Variants in EFHD1 observed in about 807,000 individuals in gnomAD.
EFHD1 encodes the protein EF-hand domain family member D1.
A neutral mutation model predicts 17.2 loss-of-function variants in EFHD1; 10 were observed. That is an observed-to-expected ratio of 0.58 (90% CI 0.36 to 0.99). The LOEUF (loss-of-function observed/expected upper bound fraction) is 0.99. Ranked by LOEUF, EFHD1 falls within the 50% of genes least tolerant of loss-of-function variation. The pLI is 0.01. For missense variants in EFHD1, 310 were observed against 327.5 expected (o/e 0.95, Z 0.41); for synonymous variants, 153 against 142.0 (o/e 1.08, Z -0.55).
intron 1 of EFHD1, among the ~76,000 whole-genome samples, chr2:232,627,045 T>TCTCC (rs1574705594): frequency 1.1e-5 from 1 of 92,652 alleles, no homozygotes; most frequent in East Asian, 5.1e-4. Context: ...TCTATATATA[T>TCTCC]ATATATATAT....
At chr2:232,627,032 CTCTCTATATATA>C (rs1302365186) in intron 1 of EFHD1, among the ~76,000 whole-genome samples, 1 of 61,744 alleles carries the variant, frequency 1.6e-5, no homozygotes, top group East Asian at 1.1e-3. Flanking sequence ...CTCTCTCTCT[CTCTCTATATATA>C]TATATATATA....
chr2:232,619,670 C>T (rs1262723898), intron 1 of EFHD1, among the ~76,000 whole-genome samples: 1 of 152,020 alleles, frequency 6.6e-6, no homozygotes, highest in Non-Finnish European at 1.5e-5. Flanking sequence ...AATTTTGAAA[C>T]TAGAAAGAGG....
intron 1 of EFHD1, chr2:232,606,577 A>G: frequency 3.8e-6 from 1 of 261,624 alleles, no homozygotes; most frequent in Non-Finnish European, 7.7e-6. Flanking sequence ...CCTCACCTGC[A>G]CCGACCCTCA....
At chr2:232,648,814 A>T (rs116558397) in intron 1 of EFHD1, among the ~76,000 whole-genome samples, 140 of 152,248 alleles carry the variant, frequency 9.2e-4, no homozygotes, top group Non-Finnish European at 1.7e-3. Flanking sequence ...TTGTGGGGCC[A>T]GCGCCTGGCT....
chr2:232,667,185 A>G (rs1247967417), intron 2 of EFHD1, among the ~76,000 whole-genome samples: 1 of 152,108 alleles, frequency 6.6e-6, no homozygotes, highest in East Asian at 1.9e-4. Context: ...CAGCCCAAGC[A>G]GACGAATACA....
At chr2:232,661,582 T>TTC (rs1482595306) in intron 1 of EFHD1, 1 of 151,082 alleles carries the variant, frequency 6.6e-6, no homozygotes, top group Non-Finnish European at 1.5e-5. Context: ...TTTTTTTTTT[T>TTC]TTTTGAGACA....
chr2:232,642,092 A>G (rs1275386126), intron 1 of EFHD1, among the ~76,000 whole-genome samples: 1 of 152,142 alleles, frequency 6.6e-6, no homozygotes, highest in Admixed American at 6.5e-5. Context: ...CCCAATGAAA[A>G]AGACAAATGA....
chr2:232,670,500 A>T (rs1695046143), intron 2 of EFHD1, among the ~76,000 whole-genome samples: 1 of 152,146 alleles, frequency 6.6e-6, no homozygotes, highest in Admixed American at 6.6e-5. Context: ...AAGCCTGAAG[A>T]TTAATTAATT....
upstream of EFHD1, chr2:232,633,442 G>A (rs928575913): frequency 2.3e-5 from 28 of 1,201,222 alleles, no homozygotes; most frequent in Non-Finnish European, 2.9e-5. Context: ...GCAGGTCGGG[G>A]TCTCCGGGAC....
rs185549467 is a variant in EFHD1, at chr2:232,668,107, T to C, written c.451-4202T>C. Among the ~76,000 whole-genome samples, 344 of 152,302 alleles carry C rather than the reference T, an allele frequency of 2.3e-3. 2 individuals are homozygous for C. Among genetic ancestry groups the C allele is most frequent in the Middle Eastern group, 3.4e-3 (1 of 294 alleles). On this transcript the variant is annotated intron_variant, in intron 2 of 3. Coordinates refer to ENST00000264059, the MANE Select transcript of EFHD1 (RefSeq NM_025202.4). Reference sequence around the variant, plus strand: ...CCTCTCCTTCCCTCCCCCTCTTTCTTCACAGTCACAGCTAGGACAGTTTCC... The same window carrying C: ...CCTCTCCTTCCCTCCCCCTCTTTCTCCACAGTCACAGCTAGGACAGTTTCC...
chr2:232,680,246 G>T (rs1270528909), intron 3 of EFHD1, among the ~76,000 whole-genome samples: 1 of 151,750 alleles, frequency 6.6e-6, no homozygotes, highest in Non-Finnish European at 1.5e-5. Context: ...TTGTACTCCA[G>T]CCTGGACAAC....
At chr2:232,607,878 G>GAGTCCA (rs1693749290) in intron 1 of EFHD1, among the ~76,000 whole-genome samples, 1 of 151,608 alleles carries the variant, frequency 6.6e-6, no homozygotes, top group African/African-American at 2.4e-5. Flanking sequence ...AGGACAGCTT[G>GAGTCCA]AGTCCAGGAG....
intron 2 of EFHD1, among the ~76,000 whole-genome samples, 192 bp downstream of exon 2, chr2:232,663,141 G>C (rs888232140): frequency 1.3e-5 from 2 of 152,118 alleles, no homozygotes; most frequent in Non-Finnish European, 2.9e-5. Flanking sequence ...AAGCAGCATG[G>C]GTAGTAGTAT....
rs192968472 is a variant in EFHD1 at position 232,634,121 on chromosome 2, C to T, written c.302+115C>T. ...GGGAGGGGTCCCGGGGTGCAGGTAG[C>T]ATTTGGCCCAACGCAGCCAGATCTT... On this transcript the variant is annotated intron_variant, in intron 1 of 3. Transcript: ENST00000264059. The T allele has an allele frequency of 4.5e-4, 667 of 1,472,070 alleles. 1 individual carries two copies. The African/African-American group carries it at 8.4e-3, about 18-fold the overall frequency. The allele number at this position is 1,472,070 out of a possible 1,614,324, so 91.2% of individuals were successfully genotyped here. A position where few individuals can be genotyped will look rare whatever the true frequency, so the allele number is the denominator to read the frequency against.
chr2:232,630,892 C>T (rs1694189552), upstream of EFHD1, among the ~76,000 whole-genome samples: 1 of 151,442 alleles, frequency 6.6e-6, no homozygotes, highest in Non-Finnish European at 1.5e-5. Context: ...TTTTTTAACA[C>T]TAACTGTTGT....
intron 1 of EFHD1, chr2:232,661,586 T>TTTG (rs1694868198): frequency 7.3e-6 from 1 of 136,290 alleles, no homozygotes; most frequent in Non-Finnish European, 1.6e-5. Context: ...TTTTTTTTTT[T>TTTG]GAGACAGTCT....
At chr2:232,606,831 A>G (rs1401023875) in intron 1 of EFHD1, 1 of 151,600 alleles carries the variant, frequency 6.6e-6, no homozygotes, top group Non-Finnish European at 1.5e-5. Context: ...CGGAACTTGC[A>G]GTGAGCTGAG....
At chr2:232,619,691 G>T (rs573502412) in intron 1 of EFHD1, among the ~76,000 whole-genome samples, 1 of 152,090 alleles carries the variant, frequency 6.6e-6, no homozygotes, top group Non-Finnish European at 1.5e-5. Flanking sequence ...TGGTGGTTGC[G>T]CAACACTAGG....
chr2:232,667,833 C>T (rs960513901), intron 2 of EFHD1, among the ~76,000 whole-genome samples: 3 of 152,194 alleles, frequency 2.0e-5, no homozygotes, highest in Non-Finnish European at 4.4e-5. Flanking sequence ...GCTGGGATTA[C>T]GGGTGTGAGC....
Sources: gnomAD v4.1 joint callset for allele counts (sites outside exome capture counted in the v4.1 genomes callset) on GRCh38, gnomAD v4.1.1 for gene constraint, MANE v1.5 for transcripts, NCBI Gene and HGNC (gene_info 2026-07-23, HGNC 2026-07-21) for gene names.